SPATA16: variants seen among roughly 807,000 people sequenced by gnomAD.
SPATA16 encodes spermatogenesis associated 16.
Under a neutral mutation model 63.3 loss-of-function variants are expected in SPATA16, and 36 were observed. That is an observed-to-expected ratio of 0.57 (90% CI 0.44 to 0.75). The LOEUF (loss-of-function observed/expected upper bound fraction) is 0.75. Among genes scored for constraint, SPATA16 ranks in the 30% least tolerant of loss-of-function variants. The probability of loss-of-function intolerance (pLI) is 0.00; values close to 1 mark genes in which losing one functional copy is unlikely to be tolerated. For missense variants in SPATA16, 646 were observed against 679.3 expected (o/e 0.95, Z 0.54); for synonymous variants, 203 against 216.7 (o/e 0.94, Z 0.56).
chr3:172,983,607 C>T (rs572534468), intron 4 of SPATA16, among the ~76,000 whole-genome samples: 29 of 152,118 alleles, frequency 1.9e-4, no homozygotes, highest in Admixed American at 6.5e-4. Flanking sequence ...TATGTATATA[C>T]GTTGTTAATT....
intron 1 of SPATA16, among the ~76,000 whole-genome samples, chr3:173,132,197 T>G (rs1340170473): frequency 6.6e-6 from 1 of 152,098 alleles, no homozygotes; most frequent in Non-Finnish European, 1.5e-5. Context: ...TTAGATGGAT[T>G]AAACAACACA....
chr3:172,947,837 T>TAA (rs1560075757), intron 6 of SPATA16, among the ~76,000 whole-genome samples: 1 of 151,982 alleles, frequency 6.6e-6, no homozygotes, highest in Non-Finnish European at 1.5e-5. Context: ...ATGTGGGGTT[T>TAA]AAAACCTAGA....
chr3:173,031,153 C>T (rs1235893957), intron 3 of SPATA16, among the ~76,000 whole-genome samples: 2 of 151,924 alleles, frequency 1.3e-5, no homozygotes, highest in African/African-American at 4.8e-5. Context: ...CTGGAAATTG[C>T]CTGCACAACG....
At chr3:172,931,486 G>A (rs1403342162) in intron 6 of SPATA16, among the ~76,000 whole-genome samples, 1 of 152,112 alleles carries the variant, frequency 6.6e-6, no homozygotes, top group African/African-American at 2.4e-5. Context: ...GGCCTCAAGC[G>A]ATGCCCCTGC....
At chr3:173,112,153 T>A (rs1304817706) in intron 2 of SPATA16, among the ~76,000 whole-genome samples, 1 of 152,218 alleles carries the variant, frequency 6.6e-6, no homozygotes. Flanking sequence ...AACATTTTTT[T>A]ATGGATCCTT....
At chr3:172,896,659 T>A (rs943694184) in intron 10 of SPATA16, among the ~76,000 whole-genome samples, 1 of 152,246 alleles carries the variant, frequency 6.6e-6, no homozygotes, top group Non-Finnish European at 1.5e-5. Flanking sequence ...AGGTGTGTAG[T>A]GACATCTCAT....
chr3:173,066,962 G>C (rs2108304277), intron 2 of SPATA16, among the ~76,000 whole-genome samples: 1 of 142,932 alleles, frequency 7.0e-6, no homozygotes. Flanking sequence ...GAGAAACAAA[G>C]ATTTTTAAAT....
rs531594936 is a variant in SPATA16 at position 173,005,327 on chromosome 3, G to GAAAAA, written c.848+14154_848+14158dup. On this transcript the variant is annotated intron_variant, in intron 4 of 10. Transcript: ENST00000351008. ...GACAGAGCAAGACTCTGTCTCAAAA[G>GAAAAA]AAAAAAAAAAAAAAAAAAAAGAAAA... Among the ~76,000 whole-genome samples, 147 of 78,050 alleles carry GAAAAA rather than the reference G, an allele frequency of 1.9e-3. 3 individuals carry two copies. Among genetic ancestry groups the GAAAAA allele is most frequent in the African/African-American group, 2.8e-3 (62 of 22,010 alleles). The allele number at this position is 78,050 out of a possible 152,430, so 51.2% of individuals were successfully genotyped here.
chr3:173,029,657 A>G (rs1735555477), intron 3 of SPATA16, among the ~76,000 whole-genome samples: 1 of 152,080 alleles, frequency 6.6e-6, no homozygotes, highest in Non-Finnish European at 1.5e-5. Flanking sequence ...CTTTCCTTCT[A>G]AGGCTGTTTG....
chr3:172,958,257 G>A (rs2108235807), intron 5 of SPATA16, among the ~76,000 whole-genome samples: 1 of 152,304 alleles, frequency 6.6e-6, no homozygotes, highest in African/African-American at 2.4e-5. Flanking sequence ...TGCCAGCTTT[G>A]GAAGGCTAAT....
intron 4 of SPATA16, among the ~76,000 whole-genome samples, chr3:173,011,456 T>C (rs775587261): frequency 2.0e-5 from 3 of 152,124 alleles, no homozygotes; most frequent in Non-Finnish European, 2.9e-5. Flanking sequence ...GTCAACATCA[T>C]ACTTATGAGA....
At chr3:173,103,422 C>G (rs1737542280) in intron 2 of SPATA16, among the ~76,000 whole-genome samples, 1 of 152,254 alleles carries the variant, frequency 6.6e-6, no homozygotes, top group African/African-American at 2.4e-5. Context: ...TTCCATACAT[C>G]TTCTGAAATC....
At chr3:173,021,520 ATAATAC>A (rs1735330871) in intron 3 of SPATA16, among the ~76,000 whole-genome samples, 1 of 152,186 alleles carries the variant, frequency 6.6e-6, no homozygotes, top group South Asian at 2.1e-4. Context: ...AGACAAAACT[ATAATAC>A]TAATATTTAC....
At chr3:173,023,176 T>G (rs898642486) in intron 3 of SPATA16, among the ~76,000 whole-genome samples, 1 of 151,056 alleles carries the variant, frequency 6.6e-6, no homozygotes, top group Admixed American at 6.6e-5. Flanking sequence ...TGTGTGTGCT[T>G]ATTTTATTAA....
intron 2 of SPATA16, among the ~76,000 whole-genome samples, chr3:173,102,682 A>T (rs981664995): frequency 2.0e-5 from 3 of 152,198 alleles, no homozygotes; most frequent in Admixed American, 2.0e-4. Context: ...ATTACATCTC[A>T]ACATGAGATT....
intron 4 of SPATA16, among the ~76,000 whole-genome samples, chr3:172,998,931 A>G (rs1326117484): frequency 6.6e-6 from 1 of 152,100 alleles, no homozygotes; most frequent in Non-Finnish European, 1.5e-5. Flanking sequence ...TTTACGTATT[A>G]TTGGATTCAA....
At chr3:172,924,452 C>A in intron 7 of SPATA16, 135 bp from the exon 8 acceptor site, 1 of 670,074 alleles carries the variant, frequency 1.5e-6, no homozygotes, top group South Asian at 1.8e-5. Context: ...TAGTCCCATC[C>A]CTAGACCATA....
intron 4 of SPATA16, among the ~76,000 whole-genome samples, chr3:173,010,665 C>A (rs973430123): frequency 6.6e-6 from 1 of 152,152 alleles, no homozygotes; most frequent in African/African-American, 2.4e-5. Flanking sequence ...CTCCGTGCCC[C>A]TTCCCAAACG....
chr3:173,085,663 G>C (rs550467594), intron 2 of SPATA16, among the ~76,000 whole-genome samples: 3 of 151,992 alleles, frequency 2.0e-5, no homozygotes, highest in Admixed American at 1.3e-4. Context: ...TGTCAAAAAT[G>C]GCTCTTATTA....
Sources: gnomAD v4.1 joint callset for allele counts (sites outside exome capture counted in the v4.1 genomes callset) on GRCh38, gnomAD v4.1.1 for gene constraint, MANE v1.5 for transcripts, NCBI Gene and HGNC (gene_info 2026-07-23, HGNC 2026-07-21) for gene names.